Variants in TNFRSF19 observed in about 807,000 individuals in gnomAD.
TNFRSF19 encodes tumor necrosis factor receptor superfamily member 19.
In TNFRSF19, 27 loss-of-function variants were observed where a neutral mutation model predicts 46.4. That is an observed-to-expected ratio of 0.58 (90% CI 0.43 to 0.80). TNFRSF19 has a LOEUF of 0.80. TNFRSF19 is among the 30% of genes least tolerant of loss of function. The pLI is 0.00. For missense variants in TNFRSF19, 511 were observed against 530.8 expected (o/e 0.96, Z 0.37); for synonymous variants, 204 against 205.0 (o/e 1.00, Z 0.04).
intron 4 of TNFRSF19, among the ~76,000 whole-genome samples, chr13:23,625,494 AT>A (rs1566194009): frequency 6.6e-6 from 1 of 151,408 alleles, no homozygotes; most frequent in Non-Finnish European, 1.5e-5. Context: ...ACGCCCAGCT[AT>A]TTTTTTGTAT....
At chr13:23,642,375 T>A (rs1883080863) in intron 5 of TNFRSF19, among the ~76,000 whole-genome samples, 1 of 152,236 alleles carries the variant, frequency 6.6e-6, no homozygotes. Flanking sequence ...GACTAACACT[T>A]ATGGCAGTTT....
intron 5 of TNFRSF19, among the ~76,000 whole-genome samples, chr13:23,645,225 G>A (rs982322927): frequency 6.6e-6 from 1 of 151,928 alleles, no homozygotes; most frequent in African/African-American, 2.4e-5. Context: ...ATTTTTTTGA[G>A]ACAGTCTCAC....
At chr13:23,620,468 G>A (rs777690728) in intron 4 of TNFRSF19, among the ~76,000 whole-genome samples, 4 of 152,170 alleles carry the variant, frequency 2.6e-5, no homozygotes, top group South Asian at 2.1e-4. Flanking sequence ...TGAGTCATTC[G>A]AGAGAGCCAG....
intron 4 of TNFRSF19, among the ~76,000 whole-genome samples, chr13:23,618,974 T>G (rs1055899099): frequency 6.6e-6 from 1 of 152,146 alleles, no homozygotes; most frequent in Non-Finnish European, 1.5e-5. Context: ...CTCTGAAGAG[T>G]GCAGCAGAAA....
chr13:23,651,893 T>TTA (rs1883671088), intron 5 of TNFRSF19, among the ~76,000 whole-genome samples: 1 of 9,964 alleles, frequency 1.0e-4, no homozygotes, highest in African/African-American at 3.5e-4. Context: ...CATAACATGC[T>TTA]AAAAAAAAAA....
intron 4 of TNFRSF19, among the ~76,000 whole-genome samples, chr13:23,617,286 C>G (rs557183942): frequency 6.6e-6 from 1 of 152,062 alleles, no homozygotes; most frequent in Non-Finnish European, 1.5e-5. Flanking sequence ...CAGGTGCGAA[C>G]GCAGAAGCCT....
At position 23,659,301 on chromosome 13, in the gene TNFRSF19, G is replaced by T; in HGVS notation, c.610+87G>T. On this transcript the variant is annotated intron_variant, in intron 6 of 9. Transcript: ENST00000248484. The surrounding 1 kb of genome is among the most constrained non-coding windows in gnomAD (Gnocchi z 4.9). ...GTGCAAGTGTTCCACAAGAGACTTGGCTGAGACAAGCACCAGTGAGTTGTG... is the reference window on the plus strand; with the variant it reads ...GTGCAAGTGTTCCACAAGAGACTTGTCTGAGACAAGCACCAGTGAGTTGTG... The T allele has an allele frequency of 2.8e-6, 4 of 1,413,788 alleles. No homozygotes were observed. Among genetic ancestry groups the T allele is most frequent in the Non-Finnish European group, 2.9e-6 (3 of 1,038,814 alleles). The allele number at this position is 1,413,788 out of a possible 1,614,324, so 87.6% of individuals were successfully genotyped here.
chr13:23,645,578 A>C lies in TNFRSF19; in HGVS notation c.446-13472A>C, dbSNP rs567195379. 2.9e-3 allele frequency among the ~76,000 whole-genome samples: 435 copies of C among 152,286 alleles called. 5 individuals carry two copies. The highest frequency in any genetic ancestry group is 9.5e-3 in the African/African-American group (395 of 41,574). On this transcript the variant is annotated intron_variant, in intron 5 of 9. Coordinates refer to ENST00000248484, the MANE Select transcript of TNFRSF19 (RefSeq NM_148957.4). ...GGTTTATTTATGTGTTTCTTGAAAT[A>C]TGTTTTTTTATACCTGCTTGTTTTC...
At chr13:23,619,204 A>G (rs1881495928) in intron 4 of TNFRSF19, among the ~76,000 whole-genome samples, 2 of 123,566 alleles carry the variant, frequency 1.6e-5, no homozygotes, top group South Asian at 2.8e-4. Context: ...ATCAGTAAAA[A>G]GGAAGGAAAT....
chr13:23,648,900 C>G (rs1254638549), intron 5 of TNFRSF19, among the ~76,000 whole-genome samples: 4 of 152,184 alleles, frequency 2.6e-5, no homozygotes, highest in African/African-American at 9.6e-5. Flanking sequence ...GTATGATTAA[C>G]TACCATTGCC....
intron 9 of TNFRSF19, chr13:23,669,802 T>A: frequency 1.3e-6 from 1 of 752,946 alleles, no homozygotes. Flanking sequence ...GGTGAGGATG[T>A]GGCCTTTGCT....
chr13:23,632,035 T>C (rs1004423744), intron 5 of TNFRSF19, among the ~76,000 whole-genome samples: 3 of 152,196 alleles, frequency 2.0e-5, no homozygotes, highest in Admixed American at 1.3e-4. Flanking sequence ...GTTTCTGCAG[T>C]GGAGTTGTTT....
chr13:23,606,004 T>G (rs981031331), intron 3 of TNFRSF19, among the ~76,000 whole-genome samples: 4 of 152,112 alleles, frequency 2.6e-5, no homozygotes, highest in African/African-American at 9.7e-5. Context: ...ATCATTCTGG[T>G]GCAGGGTGCT....
intron 1 of TNFRSF19, chr13:23,579,477 C>T (rs1236408271): frequency 6.6e-6 from 1 of 152,450 alleles, no homozygotes; most frequent in Admixed American, 6.5e-5. Flanking sequence ...CTCCGCGCGC[C>T]CCTGAGCCTC....
chr13:23,639,667 G>A (rs948582892), intron 5 of TNFRSF19, among the ~76,000 whole-genome samples: 35 of 152,146 alleles, frequency 2.3e-4, no homozygotes, highest in Non-Finnish European at 1.5e-4. Flanking sequence ...GCACAAACCA[G>A]TCAGGCCCCC....
intron 3 of TNFRSF19, among the ~76,000 whole-genome samples, chr13:23,613,942 A>G (rs1390757367): frequency 6.6e-6 from 1 of 152,218 alleles, no homozygotes; most frequent in African/African-American, 2.4e-5. Flanking sequence ...AGAGTAATGG[A>G]TGCTTTTTGC....
At chr13:23,576,185 G>A (rs1483662686) in intron 1 of TNFRSF19, among the ~76,000 whole-genome samples, 3 of 151,094 alleles carry the variant, frequency 2.0e-5, no homozygotes, top group African/African-American at 4.9e-5. Flanking sequence ...CCAGGCTGGA[G>A]TGCAGTGGCG....
chr13:23,588,551 G>T lies in TNFRSF19; in HGVS notation c.-34-1599G>T, dbSNP rs574273298. 3.5e-4 allele frequency among the ~76,000 whole-genome samples: 53 copies of T among 152,196 alleles called. No homozygotes were observed. The South Asian group carries it at 3.9e-3, about 11-fold the overall frequency. ...TGTCAATTTCTTTGTCTCATATTTT[G>T]TGTAAATGCTTTGGCATTATCCCCG... On this transcript the variant is annotated intron_variant, in intron 1 of 9. Transcript: ENST00000248484.
chr13:23,645,316 C>G (rs138037417), intron 5 of TNFRSF19, among the ~76,000 whole-genome samples: 2,819 of 152,240 alleles, frequency 0.019, 24 homozygotes, highest in African/African-American at 0.025. Flanking sequence ...ATTCTTGCAC[C>G]TCAGCCTCCC....
Sources: gnomAD v4.1 joint callset for allele counts (sites outside exome capture counted in the v4.1 genomes callset) on GRCh38, gnomAD v4.1.1 for gene constraint, Gnocchi (gnomAD v3.1) non-coding constraint, MANE v1.5 for transcripts, NCBI Gene and HGNC (gene_info 2026-07-23, HGNC 2026-07-21) for gene names.